The following CDC14B variants were observed in gnomAD, a reference collection of about 807,000 sequenced individuals.
The protein encoded by CDC14B is cell division cycle 14B.
In CDC14B, 22 loss-of-function variants were observed where a neutral mutation model predicts 64.2. The ratio of observed to expected loss-of-function variants is 0.34; its 90% CI spans 0.24 to 0.49. The LOEUF (loss-of-function observed/expected upper bound fraction) is 0.49. Among genes scored for constraint, CDC14B ranks in the 20% least tolerant of loss-of-function variants. The pLI is 0.99. For synonymous variants in CDC14B, 191 were observed against 215.8 expected (o/e 0.89, Z 1.01); for missense variants, 498 against 629.9 (o/e 0.79, Z 2.24).
At chr9:96,526,228 C>T (rs1454848943) in intron 9 of CDC14B, among the ~76,000 whole-genome samples, 2 of 152,048 alleles carry the variant, frequency 1.3e-5, no homozygotes, top group African/African-American at 4.8e-5. Context: ...ATTAGCCGGG[C>T]GTGGTGGCAG....
chr9:96,553,765 ATGCATGTATGCC>A (rs1179772666), intron 4 of CDC14B, among the ~76,000 whole-genome samples: 3 of 152,188 alleles, frequency 2.0e-5, no homozygotes, highest in Admixed American at 2.0e-4. Flanking sequence ...CCAGTCTCCG[ATGCATGTATGCC>A]TCTTCTAACA....
chr9:96,570,469 C>T (rs781323465), intron 1 of CDC14B, among the ~76,000 whole-genome samples: 1 of 152,160 alleles, frequency 6.6e-6, no homozygotes, highest in Admixed American at 6.5e-5. Context: ...GGAAGTCAAC[C>T]TCTGCTGAGT....
chr9:96,541,871 G>A lies in CDC14B; in HGVS notation c.519C>T (p.Cys173=). ...AGTCAAGAAGTGTAATGTAGAAATT[G>A]CAACTTCCATAGGCAGCATCTCTGA... ...IPFRDAAYGS[C]NFYITLLDCF... is the part of the protein sequence containing the mutation. Residue 173 remains cysteine, a synonymous_variant, in exon 6 of 14, where the codon TGC becomes TGT. Transcript: ENST00000375241. 1.2e-6 allele frequency: 2 copies of A among 1,608,624 alleles called. No individual in the cohort carries two copies. The highest frequency in any genetic ancestry group is 1.7e-6 in the Non-Finnish European group (2 of 1,176,446).
chr9:96,587,167 T>C (rs1036509045), intron 1 of CDC14B, among the ~76,000 whole-genome samples: 6 of 151,592 alleles, frequency 4.0e-5, no homozygotes, highest in South Asian at 4.2e-4. Flanking sequence ...AGTGAGACTC[T>C]GTCTCGAAAA....
At chr9:96,541,005 T>TC (rs1214122964) in intron 6 of CDC14B, among the ~76,000 whole-genome samples, 1 of 152,248 alleles carries the variant, frequency 6.6e-6, no homozygotes, top group Non-Finnish European at 1.5e-5. Flanking sequence ...TTAAGACATG[T>TC]CTGTCACAAT....
chr9:96,567,922 C>A (rs921870763), intron 1 of CDC14B, among the ~76,000 whole-genome samples: 1 of 152,054 alleles, frequency 6.6e-6, no homozygotes, highest in African/African-American at 2.4e-5. Context: ...AAACATCTCA[C>A]GTACCCCATA....
intron 9 of CDC14B, among the ~76,000 whole-genome samples, chr9:96,530,293 TCTG>T (rs1838246358): frequency 6.8e-6 from 1 of 146,102 alleles, no homozygotes; most frequent in African/African-American, 2.8e-5. Context: ...GGGTTCTCTC[TCTG>T]TTTTTTTTTT....
At chr9:96,522,670 A>G (rs1292195284) in intron 11 of CDC14B, 67 bp from the exon 12 acceptor site, 2 of 988,882 alleles carry the variant, frequency 2.0e-6, no homozygotes, top group Non-Finnish European at 3.2e-6. Flanking sequence ...ACAGCAGAGC[A>G]GCAATTTATC....
intron 12 of CDC14B, among the ~76,000 whole-genome samples, chr9:96,516,472 T>C (rs973239165): frequency 2.0e-5 from 3 of 152,144 alleles, no homozygotes; most frequent in African/African-American, 7.2e-5. Flanking sequence ...TTCTTATTTT[T>C]TATTTTTTAA....
At chr9:96,569,485 G>A (rs904532167) in intron 1 of CDC14B, among the ~76,000 whole-genome samples, 9 of 152,142 alleles carry the variant, frequency 5.9e-5, no homozygotes, top group African/African-American at 2.2e-4. Context: ...CAGGTCGGGG[G>A]AAATCACTGA....
chr9:96,532,708 C>T lies in CDC14B; in HGVS notation c.946+1219G>A, dbSNP rs577030821. 3.3e-5 allele frequency among the ~76,000 whole-genome samples: 5 copies of T among 152,264 alleles called. No individual in the cohort carries two copies. In the South Asian group the frequency reaches 8.3e-4, roughly 25 times the overall value. On this transcript the variant is annotated intron_variant, in intron 9 of 13. Transcript: ENST00000375241. ...ATTCTTTAATGATTCTAGCTTCACA[C>T]GCACTGATTCTTCTGCCTGCTCAAA...
chr9:96,582,006 G>A (rs1028868002), intron 1 of CDC14B, among the ~76,000 whole-genome samples: 3 of 152,136 alleles, frequency 2.0e-5, no homozygotes, highest in African/African-American at 7.2e-5. Context: ...GACTCCCAGT[G>A]CGCTTCATGG....
chr9:96,592,828 T>C (rs942285589), intron 1 of CDC14B, among the ~76,000 whole-genome samples: 1 of 152,084 alleles, frequency 6.6e-6, no homozygotes, highest in African/African-American at 2.4e-5. Flanking sequence ...AAAGTCTTAT[T>C]TATAAGGGCT....
chr9:96,594,740 C>T (rs868545393), intron 1 of CDC14B, among the ~76,000 whole-genome samples: 6 of 139,798 alleles, frequency 4.3e-5, no homozygotes, highest in African/African-American at 1.6e-4. Context: ...AAAAAAAAAG[C>T]CCAGGAGAGA....
intron 1 of CDC14B, among the ~76,000 whole-genome samples, chr9:96,569,398 T>C (rs1844343337): frequency 6.6e-6 from 1 of 152,136 alleles, no homozygotes; most frequent in Non-Finnish European, 1.5e-5. Flanking sequence ...GAAAAGTAGC[T>C]AGATGGAAAT....
chr9:96,532,703 T>C (rs1424949445), intron 9 of CDC14B, among the ~76,000 whole-genome samples: 1 of 152,220 alleles, frequency 6.6e-6, no homozygotes, highest in Non-Finnish European at 1.5e-5. Context: ...GATTCTAGCT[T>C]CACACGCACT....
chr9:96,618,658 G>A (rs2119120320), intron 1 of CDC14B: 2 of 519,784 alleles, frequency 3.8e-6, no homozygotes, highest in Non-Finnish European at 3.9e-6. Context: ...GCAGGGCGCG[G>A]GAGGCCCAGG....
intron 4 of CDC14B, among the ~76,000 whole-genome samples, chr9:96,558,057 C>T (rs1842711144): frequency 6.6e-6 from 1 of 152,140 alleles, no homozygotes; most frequent in Admixed American, 6.6e-5. Context: ...AGTTGAAAGA[C>T]AAATACCATT....
chr9:96,496,010 C>G (rs1564176137), downstream of CDC14B, among the ~76,000 whole-genome samples: 1 of 152,188 alleles, frequency 6.6e-6, no homozygotes, highest in Non-Finnish European at 1.5e-5. Context: ...GCCTCAGCTT[C>G]CATCAGATCA....
Sources: gnomAD v4.1 joint callset for allele counts (sites outside exome capture counted in the v4.1 genomes callset) on GRCh38, gnomAD v4.1.1 for gene constraint, MANE v1.5 for transcripts, NCBI Gene and HGNC (gene_info 2026-07-23, HGNC 2026-07-21) for gene names.